NCOA2: variants seen among roughly 807,000 people sequenced by gnomAD.
NCOA2 encodes the protein nuclear receptor coactivator 2, also known as class E basic helix-loop-helix protein 75.
Under a neutral mutation model 145.1 loss-of-function variants are expected in NCOA2, and 21 were observed. The ratio of observed to expected loss-of-function variants is 0.14; its 90% CI spans 0.10 to 0.21. NCOA2 has a LOEUF of 0.21. Among genes scored for constraint, NCOA2 ranks in the 10% least tolerant of loss-of-function variants. The pLI is 1.00. For missense variants in NCOA2, 1,472 were observed against 1,837.6 expected (o/e 0.80, Z 3.64); for synonymous variants, 619 against 637.5 (o/e 0.97, Z 0.44).
chr8:70,117,648 G>A (rs1273118471), intron 22 of NCOA2, among the ~76,000 whole-genome samples: 3 of 152,224 alleles, frequency 2.0e-5, no homozygotes, highest in Non-Finnish European at 4.4e-5. Flanking sequence ...CAAGCCCTCA[G>A]TGTTCCCTTT....
chr8:70,296,091 A>C (rs1267524902), intron 2 of NCOA2, among the ~76,000 whole-genome samples: 2 of 152,342 alleles, frequency 1.3e-5, no homozygotes, highest in Non-Finnish European at 2.9e-5. Flanking sequence ...TATACCAGGC[A>C]CCATCCTAAG....
intron 2 of NCOA2, among the ~76,000 whole-genome samples, chr8:70,276,433 T>G (rs552501799): frequency 1.3e-5 from 2 of 152,156 alleles, no homozygotes; most frequent in Non-Finnish European, 2.9e-5. Flanking sequence ...TACACTGATA[T>G]AGTTTGGTTG....
intron 7 of NCOA2, among the ~76,000 whole-genome samples, chr8:70,166,106 G>C (rs1053609381): frequency 4.6e-5 from 7 of 152,180 alleles, no homozygotes; most frequent in African/African-American, 1.4e-4. Context: ...ACAGGCGTGA[G>C]CCACCGTGCC....
chr8:70,114,701 C>T (rs1033184808), intron 22 of NCOA2, among the ~76,000 whole-genome samples: 1 of 152,138 alleles, frequency 6.6e-6, no homozygotes, highest in Non-Finnish European at 1.5e-5. Flanking sequence ...ATACTGTCTG[C>T]TTTGGGAACA....
intron 2 of NCOA2, among the ~76,000 whole-genome samples, chr8:70,289,827 T>A (rs1166700303): frequency 6.7e-6 from 1 of 149,632 alleles, no homozygotes; most frequent in Admixed American, 6.7e-5. Flanking sequence ...TGCTACACAC[T>A]TTTTTTTTTC....
At chr8:70,185,106 T>C (rs1459217121) in intron 4 of NCOA2, among the ~76,000 whole-genome samples, 1 of 152,194 alleles carries the variant, frequency 6.6e-6, no homozygotes, top group Admixed American at 6.5e-5. Context: ...CTAAAGAGAC[T>C]GCTACAACTC....
intron 1 of NCOA2, among the ~76,000 whole-genome samples, chr8:70,389,516 G>A (rs961710800): frequency 3.9e-5 from 6 of 152,118 alleles, no homozygotes; most frequent in African/African-American, 1.4e-4. Context: ...CCGACCTCAG[G>A]TGATCTGCCC....
At chr8:70,400,589 T>A (rs1178461729) in intron 1 of NCOA2, among the ~76,000 whole-genome samples, 1 of 152,162 alleles carries the variant, frequency 6.6e-6, no homozygotes, top group Non-Finnish European at 1.5e-5. Flanking sequence ...GTTGTCAAAT[T>A]TTGAATGTTG....
At chr8:70,377,301 G>A (rs1159535694) in intron 1 of NCOA2, among the ~76,000 whole-genome samples, 5 of 149,710 alleles carry the variant, frequency 3.3e-5, no homozygotes, top group South Asian at 4.2e-4. Context: ...AGAAATCTCC[G>A]TGTCAACTTG....
intron 2 of NCOA2, among the ~76,000 whole-genome samples, chr8:70,234,720 G>A (rs1245712355): frequency 6.6e-6 from 1 of 152,074 alleles, no homozygotes; most frequent in Non-Finnish European, 1.5e-5. Flanking sequence ...AGGTTCTCTG[G>A]TCAGTGATTC....
In NCOA2 at chr8:70,110,453, AT is replaced by A; in HGVS notation, c.*3178del. On this transcript the variant is annotated 3_prime_UTR_variant, in exon 23 of 23. Transcript: ENST00000452400. Reference sequence around the variant, plus strand: ...AAGAAACACCAGGGAGAAAATTCTAATTAAAATCGAAGCCACTACAGTAATT... The same window carrying A: ...AAGAAACACCAGGGAGAAAATTCTAATAAAATCGAAGCCACTACAGTAATT... 1 of 196,702 alleles carries A rather than the reference AT, an allele frequency of 5.1e-6. No homozygotes were observed. Among genetic ancestry groups the A allele is most frequent in the Non-Finnish European group, 1.1e-5 (1 of 94,858 alleles). 12.2% of individuals were successfully genotyped at this position (196,702 alleles called of 1,614,324 possible).
At position 70,369,330 on chromosome 8, in the gene NCOA2, G is replaced by A. The variant is rs373862925; in HGVS notation, c.-77+34370C>T. On this transcript the variant is annotated intron_variant, in intron 1 of 22. Coordinates refer to ENST00000452400, the MANE Select transcript of NCOA2 (RefSeq NM_006540.4). ...TTTTATAAAATTGAGAGACACCAAT[G>A]TAAAGTGAATAAATATCCCTGATTA... is the stretch of plus-strand genomic sequence containing the variant. 1.6e-4 allele frequency among the ~76,000 whole-genome samples: 25 copies of A among 152,336 alleles called. 1 individual carries two copies. Among genetic ancestry groups the A allele is most frequent in the South Asian group, 6.2e-4 (3 of 4,828 alleles).
the NCOA2 span, among the ~76,000 whole-genome samples, chr8:70,433,007 T>C: frequency 6.6e-6 from 1 of 152,214 alleles, no homozygotes; most frequent in African/African-American, 2.4e-5. Context: ...AAACCAGTTT[T>C]AGCAATAACT....
chr8:70,360,039 A>G (rs561673787), intron 1 of NCOA2, among the ~76,000 whole-genome samples: 4 of 152,318 alleles, frequency 2.6e-5, no homozygotes, highest in African/African-American at 7.2e-5. Context: ...TTTGACACAA[A>G]TATTTTGAGG....
intron 2 of NCOA2, among the ~76,000 whole-genome samples, chr8:70,217,578 A>G (rs4738080): frequency 0.92 from 139,688 of 152,120 alleles, 64,604 homozygotes; most frequent in African/African-American, 0.96. Flanking sequence ...AAGTGGGAAG[A>G]ACCATGATCA....
In NCOA2 at chr8:70,148,404, G is replaced by A. The variant is rs750858184; in HGVS notation, c.2474C>T (p.Thr825Met). The change falls in exon 12 of 23, where the codon ACG becomes ATG. Residue 825 changes from threonine (T) to methionine (M), a missense_variant. By Grantham distance (81) the Thr-to-Met change is moderately conservative. This residue lies in a region of NCOA2 where 953 missense variants were observed against 1,062.1 expected (regional missense o/e 0.90). Coordinates refer to ENST00000452400, the MANE Select transcript of NCOA2 (RefSeq NM_006540.4). ...NSQLPQLFPD[T>M]RPGAPAGSVD... ...TGATCCAGCAGGGGCGCCTGGCCTC[G>A]TGTCTGGGAAAAGCTGTGGTAATTG... is the stretch of plus-strand genomic sequence containing the variant. 2.7e-5 allele frequency: 44 copies of A among 1,613,828 alleles called. No individual in the cohort carries two copies. Among genetic ancestry groups the A allele is most frequent in the Non-Finnish European group, 3.4e-5 (40 of 1,179,884 alleles).
chr8:70,304,727 G>A (rs557257611), intron 1 of NCOA2, among the ~76,000 whole-genome samples: 2 of 151,776 alleles, frequency 1.3e-5, no homozygotes, highest in African/African-American at 4.8e-5. Context: ...GAACTCCTGA[G>A]CTCATGATCC....
At chr8:70,218,802 G>A (rs1011926813) in intron 2 of NCOA2, among the ~76,000 whole-genome samples, 90 of 152,234 alleles carry the variant, frequency 5.9e-4, no homozygotes, top group African/African-American at 2.1e-3. Context: ...ACTTAAGAAA[G>A]TTTCTATCAT....
intron 2 of NCOA2, among the ~76,000 whole-genome samples, chr8:70,270,051 G>A (rs774500120): frequency 3.3e-5 from 5 of 152,058 alleles, no homozygotes; most frequent in East Asian, 3.9e-4. Context: ...TTATCCTGGC[G>A]CATGCCTGTA....
Sources: gnomAD v4.1 joint callset for allele counts (sites outside exome capture counted in the v4.1 genomes callset) on GRCh38, gnomAD v4.1.1 for gene constraint, gnomAD v4.1.1 regional missense constraint, MANE v1.5 for transcripts, NCBI Gene and HGNC (gene_info 2026-07-23, HGNC 2026-07-21) for gene names.